PABIR3: variants seen among roughly 807,000 people sequenced by gnomAD.
The protein encoded by PABIR3 is PABIR family member 3, also known as PABIR family member 1.
In PABIR3, 20 loss-of-function variants were observed where a neutral mutation model predicts 23.1. The ratio of observed to expected loss-of-function variants is 0.86; its 90% CI spans 0.61 to 1.26. The LOEUF is 1.26. PABIR3 is among the 50% of genes most tolerant of loss of function. PABIR3 has a pLI of 0.00. For missense variants in PABIR3, 189 were observed against 195.4 expected (o/e 0.97, Z 0.20); for synonymous variants, 69 against 68.5 (o/e 1.01, Z -0.04).
chrX:134,829,120 T>C, intron 3 of PABIR3, 106 bp from the exon 4 acceptor site: 5 of 655,850 alleles, frequency 7.6e-6, no homozygotes, highest in Non-Finnish European at 1.2e-5. Context: ...CTGGCATGCA[T>C]AAGACACTAA....
chrX:134,845,249 G>C lies in PABIR3; in HGVS notation c.290+1G>C, dbSNP rs764360083. The stretch of plus-strand genomic sequence containing the variant: ...TAAATAGAGAAACAATGTCTGAATG[G>C]TGAGTACTGTACTTTGAATTACTAT... On this transcript the variant is annotated splice_donor_variant, in intron 5 of 10. Coordinates refer to ENST00000645433, the MANE Select transcript of PABIR3 (RefSeq NM_001388447.1). LOFTEE classifies it high-confidence loss of function. The C allele has an allele frequency of 8.4e-7, 1 of 1,188,068 alleles. No homozygotes were observed. The highest frequency in any genetic ancestry group is 1.8e-5 in the South Asian group (1 of 54,235).
At chrX:134,833,373 C>T (rs898352430) in intron 4 of PABIR3, among the ~76,000 whole-genome samples, 2 of 110,388 alleles carry the variant, frequency 1.8e-5, no homozygotes, top group Non-Finnish European at 3.8e-5. Flanking sequence ...TCTCCATAAT[C>T]ACAATGCCAT....
upstream of PABIR3, chrX:134,807,011 T>C: frequency 5.2e-6 from 1 of 192,031 alleles, no homozygotes; most frequent in Non-Finnish European, 7.9e-6. Context: ...AGTAAAAGAG[T>C]AGAGGCACAA....
chrX:134,819,023 G>A (rs1219794074), intron 3 of PABIR3, among the ~76,000 whole-genome samples: 4 of 95,936 alleles, frequency 4.2e-5, no homozygotes, highest in Non-Finnish European at 6.0e-5. Context: ...TGCAACCTTC[G>A]CCTCCTGGGT....
intron 4 of PABIR3, among the ~76,000 whole-genome samples, chrX:134,838,401 C>A (rs1569457707): frequency 9.4e-6 from 1 of 106,357 alleles, no homozygotes; most frequent in Non-Finnish European, 1.9e-5. Flanking sequence ...GCAACCTCTG[C>A]CTTCTGGGTT....
In PABIR3 at chrX:134,849,282, A is replaced by T. The variant is rs981330727; in HGVS notation, c.589+54A>T. On this transcript the variant is annotated intron_variant, in intron 9 of 10. Coordinates refer to ENST00000645433, the MANE Select transcript of PABIR3 (RefSeq NM_001388447.1). ...ATAACTTTAAGTTATTTTATAAAATATCTAAAATCAAATGTTATACAAAAA... is the reference window on the plus strand; with the variant it reads ...ATAACTTTAAGTTATTTTATAAAATTTCTAAAATCAAATGTTATACAAAAA... 27 of 524,458 alleles carry T rather than the reference A, an allele frequency of 5.1e-5. 1 individual carries two copies. In the African/African-American group the frequency reaches 5.9e-4, roughly 12 times the overall value. 43.2% of individuals were successfully genotyped at this position (524,458 alleles called of 1,213,427 possible). A position where few individuals can be genotyped will look rare whatever the true frequency, so the allele number is the denominator to read the frequency against.
At chrX:134,850,000 G>A (rs1164266675) in intron 9 of PABIR3, among the ~76,000 whole-genome samples, 1 of 104,675 alleles carries the variant, frequency 9.6e-6, no homozygotes. Flanking sequence ...AGCCTCACCA[G>A]TAGCTGGGAT....
Position 134,807,630 on chromosome X carries a change from A to G in PABIR3, c.32A>G (p.Lys11Arg). The G allele has an allele frequency of 8.3e-7, 1 of 1,210,696 alleles. No individual in the cohort carries two copies. The highest frequency in any genetic ancestry group is 2.2e-5 in the Admixed American group (1 of 45,986). MAQEKMKLGF[K>R]SLPSSTTADG... ...CAGGAGAAAATGAAACTAGGTTTCA[A>G]GTCGCTGCCGAGTTCCACTACCGCA... The change falls in exon 2 of 11, where the codon AAG (lysine) becomes AGG (arginine). Residue 11 changes from lysine (K) to arginine (R), a missense_variant. Coordinates refer to ENST00000645433, the MANE Select transcript of PABIR3 (RefSeq NM_001388447.1).
intron 3 of PABIR3, among the ~76,000 whole-genome samples, chrX:134,828,497 G>C (rs1208602882): frequency 1.8e-5 from 2 of 112,194 alleles, no homozygotes; most frequent in Admixed American, 9.5e-5. Flanking sequence ...CCACGGTACA[G>C]AAAGAGTTTA....
intron 1 of PABIR3, among the ~76,000 whole-genome samples, chrX:134,802,122 C>T (rs953437304): frequency 2.8e-5 from 3 of 108,018 alleles, no homozygotes; most frequent in African/African-American, 6.8e-5. Flanking sequence ...CTCGCTTTGT[C>T]GCCCAGGCTG....
At chrX:134,807,394 G>T in intron 1 of PABIR3, 53 bp downstream of exon 1, 1 of 994,513 alleles carries the variant, frequency 1.0e-6, no homozygotes, top group Non-Finnish European at 1.3e-6. Flanking sequence ...TAGGCGGTTC[G>T]GAGCCAGTTC....
At chrX:134,841,274 C>G (rs988305805) in intron 4 of PABIR3, among the ~76,000 whole-genome samples, 2 of 110,765 alleles carry the variant, frequency 1.8e-5, no homozygotes, top group Admixed American at 9.7e-5. Flanking sequence ...AATTTTAATT[C>G]TTTCGCACAA....
intron 2 of PABIR3, among the ~76,000 whole-genome samples, chrX:134,813,196 G>A (rs187772662): frequency 7.1e-4 from 80 of 112,163 alleles, no homozygotes; most frequent in Middle Eastern, 4.6e-3. Context: ...AAATTGAAGA[G>A]TCTGGAGCCA....
the PABIR3 span, among the ~76,000 whole-genome samples, chrX:134,861,534 C>A: frequency 9.9e-6 from 1 of 101,249 alleles, no homozygotes; most frequent in Non-Finnish European, 2.0e-5. Context: ...ATTAGCCGGG[C>A]GCAGTGGCAG....
At chrX:134,807,837 C>T (rs999300775) in intron 2 of PABIR3, 129 bp downstream of exon 2, 12 of 703,621 alleles carry the variant, frequency 1.7e-5, no homozygotes, top group Non-Finnish European at 2.4e-5. Flanking sequence ...TCCTGGTGTC[C>T]GGAGATCCCA....
intron 3 of PABIR3, among the ~76,000 whole-genome samples, chrX:134,815,765 T>C (rs2080941815): frequency 9.1e-6 from 1 of 109,669 alleles, no homozygotes; most frequent in African/African-American, 3.3e-5. Flanking sequence ...CTGCAACCTC[T>C]ACCTCCTGGG....
At chrX:134,833,394 A>G (rs2148277758) in intron 4 of PABIR3, among the ~76,000 whole-genome samples, 1 of 111,154 alleles carries the variant, frequency 9.0e-6, no homozygotes, top group South Asian at 3.8e-4. Context: ...CATTATGCAT[A>G]ACAAATTACC....
chrX:134,797,810 ATTTTT>A (rs200169266), intron 1 of PABIR3, among the ~76,000 whole-genome samples: 80 of 88,104 alleles, frequency 9.1e-4, no homozygotes, highest in Admixed American at 1.0e-3. Context: ...TGAGATCTGG[ATTTTT>A]TTTTTTTTTT....
intron 4 of PABIR3, among the ~76,000 whole-genome samples, chrX:134,843,789 A>C (rs1039209709): frequency 6.4e-5 from 7 of 108,800 alleles, no homozygotes; most frequent in African/African-American, 2.3e-4. Flanking sequence ...GGATGGTCTC[A>C]ATCTCCTGAC....
Sources: gnomAD v4.1 joint callset for allele counts (sites outside exome capture counted in the v4.1 genomes callset) on GRCh38, gnomAD v4.1.1 for gene constraint, MANE v1.5 for transcripts, NCBI Gene and HGNC (gene_info 2026-07-23, HGNC 2026-07-21) for gene names.